The following C9 variants were observed in gnomAD, a reference collection of about 807,000 sequenced individuals.
The protein encoded by C9 is complement component C9.
A neutral mutation model predicts 65.4 loss-of-function variants in C9; 63 were observed. The ratio of observed to expected loss-of-function variants is 0.96; its 90% CI spans 0.79 to 1.19. The LOEUF (loss-of-function observed/expected upper bound fraction) is 1.19. C9 is among the 50% of genes most tolerant of loss of function. The probability of loss-of-function intolerance (pLI) is 0.00; values close to 1 mark genes in which losing one functional copy is unlikely to be tolerated. For synonymous variants in C9, 229 were observed against 227.9 expected, an observed-to-expected ratio of 1.00 and a Z score of -0.04; for missense variants, 744 against 670.1, an observed-to-expected ratio of 1.11 and a Z score of -1.22.
chr5:39,286,736 A>C (rs1225177774), intron 10 of C9, among the ~76,000 whole-genome samples: 1 of 151,890 alleles, frequency 6.6e-6, no homozygotes, highest in Non-Finnish European at 1.5e-5. Flanking sequence ...TTTGGAACGC[A>C]AAGCACTAGA....
intron 1 of C9, among the ~76,000 whole-genome samples, chr5:39,346,784 C>T (rs1754206024): frequency 6.6e-6 from 1 of 152,208 alleles, no homozygotes; most frequent in South Asian, 2.1e-4. Context: ...AAAATACTGG[C>T]AAACCGAATC....
At chr5:39,338,947 A>T (rs1335674587) in intron 4 of C9, among the ~76,000 whole-genome samples, 2 of 152,264 alleles carry the variant, frequency 1.3e-5, no homozygotes, top group Non-Finnish European at 2.9e-5. Context: ...CTTTTCCTAT[A>T]AGACAAACTA....
At chr5:39,355,151 C>T (rs1212310771) in intron 1 of C9, among the ~76,000 whole-genome samples, 1 of 152,200 alleles carries the variant, frequency 6.6e-6, no homozygotes, top group Non-Finnish European at 1.5e-5. Context: ...TCATCTTTCT[C>T]ACCTGCCACT....
chr5:39,340,979 T>C (rs1754065670), intron 4 of C9, 167 bp downstream of exon 4: 4 of 765,460 alleles, frequency 5.2e-6, no homozygotes, highest in Non-Finnish European at 4.4e-6. Context: ...CTGAGATGCT[T>C]ATTTAGCACT....
chr5:39,349,229 C>T (rs1012281577), intron 1 of C9, among the ~76,000 whole-genome samples: 9 of 151,536 alleles, frequency 5.9e-5, no homozygotes, highest in African/African-American at 2.2e-4. Flanking sequence ...AATCTCTCCT[C>T]AAATTCTCTA....
rs550430882 is a variant in C9 at position 39,357,339 on chromosome 5, A to T, written c.77+7049T>A. ...TAGTTCATGCAACTCGTCAAGATGAAAAGATAATATAACAGCAGTGTCAAA... is the reference window on the plus strand; with the variant it reads ...TAGTTCATGCAACTCGTCAAGATGATAAGATAATATAACAGCAGTGTCAAA... On this transcript the variant is annotated intron_variant, in intron 1 of 10. Coordinates refer to ENST00000263408, the MANE Select transcript of C9 (RefSeq NM_001737.5). Among the ~76,000 whole-genome samples the T allele has an allele frequency of 5.3e-5, 8 of 152,320 alleles. No individual in the cohort carries two copies. In the South Asian group the frequency reaches 1.7e-3, roughly 32 times the overall value.
chr5:39,364,417 T>C lies in C9; in HGVS notation c.48A>G (p.Ile16Met), dbSNP rs867311716. 6.2e-7 allele frequency: 1 copy of C among 1,608,762 alleles called. No individual in the cohort carries two copies. Among genetic ancestry groups the C allele is most frequent in the Non-Finnish European group, 8.5e-7 (1 of 1,175,352 alleles). ...SFAVAICILE[I>M]SILTAQYTTS... is the part of the protein sequence containing the mutation. ...TCGTGTACTGTGCTGTGAGGATGCT[T>C]ATTTCTAAAATGCAGATTGCAACTG... The change falls in exon 1 of 11, where the codon ATA (isoleucine) becomes ATG (methionine). Residue 16 changes from isoleucine (I) to methionine (M), a missense_variant. Coordinates refer to ENST00000263408, the MANE Select transcript of C9 (RefSeq NM_001737.5).
Position 39,315,896 on chromosome 5 carries a change from T to G in C9, c.749A>C (p.Lys250Thr). The G allele has an allele frequency of 1.9e-6, 3 of 1,613,514 alleles. No homozygotes were observed. The highest frequency in any genetic ancestry group is 2.5e-6 in the Non-Finnish European group (3 of 1,179,566). Reference protein sequence around the residue: ...SLKFTPTETNKAEQCCEETAS... With the variant: ...SLKFTPTETNTAEQCCEETAS... ...TGTTTCCTCACAACATTGTTCAGCT[T>G]TATTTGTTTCAGTGGGTGTAAATTT... Residue 250 changes from lysine to threonine, a missense_variant, in exon 6 of 11, where the codon AAA (lysine) becomes ACA (threonine). Physicochemically the swap from Lys to Thr is moderately conservative, Grantham distance 78. Transcript: ENST00000263408.
chr5:39,342,656 C>T (rs1754110607), intron 1 of C9, among the ~76,000 whole-genome samples: 1 of 152,122 alleles, frequency 6.6e-6, no homozygotes, highest in Non-Finnish European at 1.5e-5. Context: ...AGCCAGCCAG[C>T]CCAGGCCCAG....
At chr5:39,285,911 G>A (rs1183041133) in intron 10 of C9, among the ~76,000 whole-genome samples, 1 of 152,004 alleles carries the variant, frequency 6.6e-6, no homozygotes, top group Non-Finnish European at 1.5e-5. Context: ...CTCATCATGG[G>A]TGTAAGCTAG....
intron 10 of C9, 44 bp downstream of exon 10, chr5:39,288,679 G>C (rs376770233): frequency 1.2e-5 from 12 of 1,006,996 alleles, no homozygotes; most frequent in African/African-American, 3.2e-5. Context: ...TAACCCCAAA[G>C]TGCATATTTT....
intron 2 of C9, 96 bp downstream of exon 2, chr5:39,341,995 T>C (rs1579871633): frequency 1.2e-6 from 1 of 815,378 alleles, no homozygotes; most frequent in East Asian, 2.4e-5. Flanking sequence ...TGGAACTCAG[T>C]TGTGGGGCTC....
intron 1 of C9, among the ~76,000 whole-genome samples, chr5:39,346,825 G>C (rs531640496): frequency 6.6e-6 from 1 of 152,174 alleles, no homozygotes; most frequent in African/African-American, 2.4e-5. Flanking sequence ...TATCCACCAT[G>C]ATCAAGTGGG....
At chr5:39,310,161 C>T (rs968926356) in intron 7 of C9, among the ~76,000 whole-genome samples, 1 of 152,126 alleles carries the variant, frequency 6.6e-6, no homozygotes, top group Admixed American at 6.6e-5. Flanking sequence ...TTTTGTTATC[C>T]ATAAAGTATT....
Position 39,331,713 on chromosome 5 carries a change from TA to T in C9, c.577del (p.Tyr193ThrfsTer10), listed in dbSNP as rs778518669. ...AGAAGCCACGTTCCAAGGTCTTCGG[TA>T]GTATGTCAGAGTGTTTCCATCCCGA... is the stretch of plus-strand genomic sequence containing the variant. ...RDRDGNTLTY[Y>X]RRPWNVASLI... is the part of the protein sequence containing the mutation. On this transcript the variant is annotated frameshift_variant, in exon 5 of 11. Coordinates refer to ENST00000263408, the MANE Select transcript of C9 (RefSeq NM_001737.5). LOFTEE classifies it high-confidence loss of function. 10 of 1,613,764 alleles carry T rather than the reference TA, an allele frequency of 6.2e-6. No homozygotes were observed. The highest frequency in any genetic ancestry group is 8.5e-6 in the Non-Finnish European group (10 of 1,179,730).
chr5:39,288,015 T>A (rs1753022769), intron 10 of C9, among the ~76,000 whole-genome samples: 1 of 151,894 alleles, frequency 6.6e-6, no homozygotes, highest in Admixed American at 6.6e-5. Flanking sequence ...TTCCTTATGA[T>A]TAACTTAAAA....
intron 5 of C9, among the ~76,000 whole-genome samples, chr5:39,323,722 G>A (rs1753702624): frequency 6.6e-6 from 1 of 151,918 alleles, no homozygotes; most frequent in Non-Finnish European, 1.5e-5. Flanking sequence ...ATTATACTCA[G>A]TGGTTAAAAC....
chr5:39,359,862 G>A (rs1424321804), intron 1 of C9, among the ~76,000 whole-genome samples: 2 of 152,176 alleles, frequency 1.3e-5, no homozygotes, highest in African/African-American at 4.8e-5. Context: ...ACATTATACT[G>A]CAATTCCTGA....
intron 6 of C9, among the ~76,000 whole-genome samples, chr5:39,312,702 A>G (rs1157577934): frequency 6.6e-6 from 1 of 152,158 alleles, no homozygotes; most frequent in African/African-American, 2.4e-5. Context: ...GACACCCACA[A>G]TTTTGCAAAT....
Sources: allele counts gnomAD v4.1 joint callset (sites outside exome capture counted in the v4.1 genomes callset), GRCh38; gene constraint gnomAD v4.1.1; transcripts MANE v1.5; gene names NCBI Gene and HGNC (gene_info 2026-07-23, HGNC 2026-07-21).